The following MBD5 variants were observed in gnomAD, a reference collection of about 807,000 sequenced individuals.
The protein encoded by MBD5 is methyl-CpG binding domain protein 5.
A neutral mutation model predicts 117.3 loss-of-function variants in MBD5; 13 were observed. That is an observed-to-expected ratio of 0.11 (90% CI 0.07 to 0.18). The LOEUF (loss-of-function observed/expected upper bound fraction) is 0.18. MBD5 is among the 10% of genes least tolerant of loss of function. The probability of loss-of-function intolerance (pLI) is 1.00; values close to 1 mark genes in which losing one functional copy is unlikely to be tolerated. For synonymous variants in MBD5, 727 were observed against 766.4 expected (o/e 0.95, Z 0.85); for missense variants, 1,879 against 2,093.8 (o/e 0.90, Z 2.00).
chr2:148,143,206 T>C (rs796993001), intron 1 of MBD5, among the ~76,000 whole-genome samples: 25 of 152,316 alleles, frequency 1.6e-4, no homozygotes, highest in African/African-American at 5.5e-4. Context: ...CCTCAAATAA[T>C]ATCCTTTCAG....
At chr2:148,297,250 C>G (rs1309915021) in intron 3 of MBD5, among the ~76,000 whole-genome samples, 1 of 152,104 alleles carries the variant, frequency 6.6e-6, no homozygotes, top group Non-Finnish European at 1.5e-5. Context: ...TGTAGCAATT[C>G]TGAATATTAG....
rs202219687 is a variant in MBD5 at position 148,216,239 on chromosome 2, C to G, written c.-830-17006C>G. Among the ~76,000 whole-genome samples, 10 of 152,188 alleles carry G rather than the reference C, an allele frequency of 6.6e-5. No individual in the cohort carries two copies. In the East Asian group the frequency reaches 1.9e-3, roughly 29 times the overall value. ...ATATTAGAAGAGAAACCTGGCCGAT[C>G]AAGCTTAGATCACAGATGCATGCCT... On this transcript the variant is annotated intron_variant, in intron 2 of 13. Transcript: ENST00000642680.
At chr2:148,382,419 T>C (rs903839048) in intron 4 of MBD5, among the ~76,000 whole-genome samples, 2 of 152,172 alleles carry the variant, frequency 1.3e-5, no homozygotes, top group Non-Finnish European at 2.9e-5. Flanking sequence ...GCTAAATATA[T>C]ATGCACCCAA....
At chr2:148,494,042 C>G (rs1394930191) in intron 11 of MBD5, among the ~76,000 whole-genome samples, 2 of 152,144 alleles carry the variant, frequency 1.3e-5, no homozygotes, top group Admixed American at 1.3e-4. Context: ...CAGTGAAATA[C>G]TGTAGATTAT....
chr2:148,120,520 A>G (rs994961582), intron 1 of MBD5, among the ~76,000 whole-genome samples: 6 of 152,290 alleles, frequency 3.9e-5, no homozygotes, highest in South Asian at 2.1e-4. Flanking sequence ...TTGGTTATTC[A>G]TAAGTATTTT....
chr2:148,293,266 G>A (rs1260102217), intron 3 of MBD5, among the ~76,000 whole-genome samples: 1 of 152,012 alleles, frequency 6.6e-6, no homozygotes. Context: ...TTGGGGGAGA[G>A]GTGGGGATGG....
rs1343032929 is a variant in MBD5 at position 148,468,527 on chromosome 2, A to G, written c.584A>G (p.His195Arg). The G allele has an allele frequency of 1.2e-6, 2 of 1,613,682 alleles. No homozygotes were observed. Among genetic ancestry groups the G allele is most frequent in the Non-Finnish European group, 1.7e-6 (2 of 1,179,862 alleles). The change falls in exon 8 of 14, where the codon CAC becomes CGC. Residue 195 changes from histidine (H) to arginine (R), a missense_variant. Coordinates refer to ENST00000642680, the MANE Select transcript of MBD5 (RefSeq NM_001378120.1). ...CCTGGAAGCCAACAACAAGAACTCC[A>G]CCCTGTCTACCCCCGACAGAGATTG... ...ELPGSQQQEL[H>R]PVYPRQRLGS...
intron 2 of MBD5, among the ~76,000 whole-genome samples, chr2:148,213,802 T>C (rs2106024776): frequency 6.6e-6 from 1 of 151,140 alleles, no homozygotes; most frequent in South Asian, 2.1e-4. Flanking sequence ...CATCAAAGAA[T>C]GTTTATGCTT....
Position 148,484,043 on chromosome 2 carries a change from A to G in MBD5, c.3452A>G (p.Asn1151Ser). Residue 1151 changes from asparagine (N) to serine (S), a missense_variant, in exon 9 of 14, where the codon AAT (asparagine) becomes AGT (serine). Coordinates refer to ENST00000642680, the MANE Select transcript of MBD5 (RefSeq NM_001378120.1). ...SMAETLLNISNNAGNTPGPAK... is the reference protein window; with the variant it reads ...SMAETLLNISSNAGNTPGPAK... Reference sequence around the variant, plus strand: ...GCAGAAACATTGCTGAATATATCTAATAATGCTGGGAATACACCTGGTCCA... The same window carrying G: ...GCAGAAACATTGCTGAATATATCTAGTAATGCTGGGAATACACCTGGTCCA... 6.5e-7 allele frequency: 1 copy of G among 1,550,332 alleles called. No individual in the cohort carries two copies. The highest frequency in any genetic ancestry group is 2.4e-5 in the East Asian group (1 of 40,914).
rs191470951 is a variant in MBD5 at position 148,111,788 on chromosome 2, C to G, written c.-924-66912C>G. Among the ~76,000 whole-genome samples the G allele has an allele frequency of 2.2e-4, 33 of 152,096 alleles. No individual in the cohort carries two copies. In the East Asian group the frequency reaches 4.8e-3, roughly 22 times the overall value. ...GTCTGTGGGGGTAAGTTCCAAGGTC[C>G]CAGTGGATGCCTGAAACCACTGATA... On this transcript the variant is annotated intron_variant, in intron 1 of 13. Transcript: ENST00000642680.
intron 2 of MBD5, among the ~76,000 whole-genome samples, chr2:148,195,328 T>A (rs1343120266): frequency 1.3e-5 from 2 of 152,172 alleles, no homozygotes; most frequent in African/African-American, 4.8e-5. Flanking sequence ...GAGGAAATTT[T>A]ATAATAAGAT....
chr2:148,308,709 T>C (rs1048698743), intron 3 of MBD5, among the ~76,000 whole-genome samples: 2 of 152,082 alleles, frequency 1.3e-5, no homozygotes, highest in Non-Finnish European at 2.9e-5. Flanking sequence ...TTTGGTATTT[T>C]AGTCTTGAAG....
At chr2:148,326,903 C>T (rs1191684541) in intron 3 of MBD5, among the ~76,000 whole-genome samples, 2 of 148,648 alleles carry the variant, frequency 1.3e-5, no homozygotes, top group Non-Finnish European at 3.0e-5. Flanking sequence ...TGATTTTGCT[C>T]GTTAGTTGAT....
At chr2:148,222,280 G>A (rs1699707914) in intron 2 of MBD5, among the ~76,000 whole-genome samples, 1 of 151,886 alleles carries the variant, frequency 6.6e-6, no homozygotes, top group South Asian at 2.1e-4. Flanking sequence ...CAAAATTTAT[G>A]TGTGTGTGTT....
At chr2:148,199,530 A>G (rs540929148) in intron 2 of MBD5, among the ~76,000 whole-genome samples, 1 of 152,284 alleles carries the variant, frequency 6.6e-6, no homozygotes, top group South Asian at 2.1e-4. Flanking sequence ...CCACTTTGGG[A>G]GGCCGAGGTG....
chr2:148,311,548 A>G (rs529908328), intron 3 of MBD5, among the ~76,000 whole-genome samples: 1 of 152,118 alleles, frequency 6.6e-6, no homozygotes, highest in Admixed American at 6.6e-5. Flanking sequence ...GTGTGTTTGC[A>G]TGTGAGATGG....
chr2:148,345,419 A>ATATATACACATATACATATG (rs1703076326), intron 4 of MBD5, among the ~76,000 whole-genome samples: 4 of 131,188 alleles, frequency 3.0e-5, no homozygotes, highest in Admixed American at 1.5e-4. Flanking sequence ...ATACATATAC[A>ATATATACACATATACATATG]TATATACACA....
intron 1 of MBD5, among the ~76,000 whole-genome samples, chr2:148,110,553 C>A (rs1465387059): frequency 6.6e-6 from 1 of 151,968 alleles, no homozygotes; most frequent in Non-Finnish European, 1.5e-5. Flanking sequence ...GTGTTGTATT[C>A]TTTCTTAATG....
intron 1 of MBD5, chr2:148,028,042 A>G (rs1693946752): frequency 6.6e-6 from 1 of 152,106 alleles, no homozygotes; most frequent in South Asian, 2.1e-4. Context: ...GTAACTCACT[A>G]TAACTCTTCA....
Sources: gnomAD v4.1 joint callset for allele counts (sites outside exome capture counted in the v4.1 genomes callset) on GRCh38, gnomAD v4.1.1 for gene constraint, MANE v1.5 for transcripts, NCBI Gene and HGNC (gene_info 2026-07-23, HGNC 2026-07-21) for gene names.